The following SLC9A7 variants were observed in gnomAD, a reference collection of about 807,000 sequenced individuals.
SLC9A7 encodes the protein solute carrier family 9 member A7.
A neutral mutation model predicts 52.6 loss-of-function variants in SLC9A7; 19 were observed. That is an observed-to-expected ratio of 0.36 (90% CI 0.25 to 0.53). The LOEUF (loss-of-function observed/expected upper bound fraction) is 0.53. Ranked by LOEUF, SLC9A7 falls within the 20% of genes least tolerant of loss-of-function variation. The pLI is 0.91. For synonymous variants in SLC9A7, 226 were observed against 252.1 expected (o/e 0.90, Z 0.98); for missense variants, 455 against 597.9 (o/e 0.76, Z 2.49).
chrX:46,735,980 G>A (rs748808550), intron 1 of SLC9A7, among the ~76,000 whole-genome samples: 3 of 111,275 alleles, frequency 2.7e-5, no homozygotes, highest in Non-Finnish European at 5.7e-5. Flanking sequence ...TTATTGTTTT[G>A]GTATTTATCT....
chrX:46,645,322 G>A (rs1315671555), intron 11 of SLC9A7, among the ~76,000 whole-genome samples: 1 of 112,087 alleles, frequency 8.9e-6, no homozygotes, highest in Non-Finnish European at 1.9e-5. Context: ...ACCAAGCTCT[G>A]AATGTCTCCC....
chrX:46,741,291 T>C (rs1921334534), intron 1 of SLC9A7, among the ~76,000 whole-genome samples: 2 of 111,527 alleles, frequency 1.8e-5, no homozygotes, highest in South Asian at 7.5e-4. Flanking sequence ...GACTCTAAAA[T>C]GTATATGGAA....
chrX:46,730,710 A>ATATATATATAT (rs1569524468), intron 1 of SLC9A7, among the ~76,000 whole-genome samples: 182 of 76,222 alleles, frequency 2.4e-3, no homozygotes, highest in Non-Finnish European at 3.5e-3. Flanking sequence ...ATATATATAT[A>ATATATATATAT]AAATGGATGA....
chrX:46,632,683 A>T (rs1224569458), intron 13 of SLC9A7, among the ~76,000 whole-genome samples: 2 of 111,534 alleles, frequency 1.8e-5, no homozygotes, highest in African/African-American at 6.5e-5. Context: ...GCAAAACCCC[A>T]TCACAGTGGT....
chrX:46,613,443 C>T (rs1025971235), intron 15 of SLC9A7, 49 bp from the exon 16 acceptor site: 1 of 940,395 alleles, frequency 1.1e-6, no homozygotes, highest in Non-Finnish European at 1.5e-6. Context: ...AACATATACA[C>T]AACAAAATGT....
At chrX:46,680,958 G>A (rs1429084999) in intron 2 of SLC9A7, among the ~76,000 whole-genome samples, 1 of 112,029 alleles carries the variant, frequency 8.9e-6, no homozygotes, top group African/African-American at 3.2e-5. Context: ...CCCAATATGA[G>A]GACACTGGGC....
chrX:46,607,669 G>C, intron 16 of SLC9A7, among the ~76,000 whole-genome samples: 1 of 111,228 alleles, frequency 9.0e-6, no homozygotes, highest in Non-Finnish European at 1.9e-5. Context: ...ATTCAGGGAA[G>C]AGGACAAGCC....
In SLC9A7 at chrX:46,730,670, T is replaced by TAATATATATATATATA. The variant is rs1491295251; in HGVS notation, c.325+28034_325+28035insTATATATATATATATT. ...GCGAGACTGTCTCAAAAAAAAAAAA[T>TAATATATATATATATA]TATATATATATATATATATATATAT... is the stretch of plus-strand genomic sequence containing the variant. On this transcript the variant is annotated intron_variant, in intron 1 of 16. Coordinates refer to ENST00000616978, the MANE Select transcript of SLC9A7 (RefSeq NM_001257291.2). 9.8e-4 allele frequency among the ~76,000 whole-genome samples: 42 copies of TAATATATATATATATA among 42,911 alleles called. 1 individual carries two copies. The highest frequency in any genetic ancestry group is 2.6e-3 in the African/African-American group (41 of 15,507). The allele number at this position is 42,911 out of a possible 115,157, so 37.3% of individuals were successfully genotyped here. A position where few individuals can be genotyped will look rare whatever the true frequency, so the allele number is the denominator to read the frequency against.
At chrX:46,701,917 T>C (rs1602247621) in intron 1 of SLC9A7, among the ~76,000 whole-genome samples, 2 of 112,111 alleles carry the variant, frequency 1.8e-5, no homozygotes, top group East Asian at 5.6e-4. Context: ...CCAAGAGAGC[T>C]AAGCATCCTT....
At chrX:46,663,899 C>T (rs1252620532) in intron 5 of SLC9A7, among the ~76,000 whole-genome samples, 1 of 111,079 alleles carries the variant, frequency 9.0e-6, no homozygotes, top group Non-Finnish European at 1.9e-5. Flanking sequence ...GCAAAGGTTG[C>T]GGTGAGCCGA....
intron 1 of SLC9A7, among the ~76,000 whole-genome samples, chrX:46,750,911 A>T (rs1282539686): frequency 8.9e-6 from 1 of 112,366 alleles, no homozygotes; most frequent in African/African-American, 3.2e-5. Flanking sequence ...CACAAATCAC[A>T]TGCAAATCCT....
At position 46,732,802 on chromosome X, in the gene SLC9A7, G is replaced by A. The variant is rs193024029; in HGVS notation, c.325+25903C>T. On this transcript the variant is annotated intron_variant, in intron 1 of 16. Transcript: ENST00000616978. ...AAGGTTTCCTGCTACAGTATTGTTC[G>A]ATTACTATAAGAAACAACCCTAGGG... Among the ~76,000 whole-genome samples, 4 of 111,474 alleles carry A rather than the reference G, an allele frequency of 3.6e-5. No individual in the cohort carries two copies. In the East Asian group the frequency reaches 8.4e-4, roughly 23 times the overall value.
chrX:46,672,349 T>C (rs1366755566), intron 4 of SLC9A7, among the ~76,000 whole-genome samples: 1 of 111,933 alleles, frequency 8.9e-6, no homozygotes, highest in Non-Finnish European at 1.9e-5. Context: ...AAGATCTGGG[T>C]GCTGGGTATA....
At chrX:46,712,733 T>G (rs1276406996) in intron 1 of SLC9A7, among the ~76,000 whole-genome samples, 1 of 112,439 alleles carries the variant, frequency 8.9e-6, no homozygotes, top group African/African-American at 3.2e-5. Flanking sequence ...TGTATTAATA[T>G]GCCACAGTTT....
chrX:46,640,461 C>T (rs898389764), intron 12 of SLC9A7, among the ~76,000 whole-genome samples: 1 of 111,951 alleles, frequency 8.9e-6, no homozygotes, highest in Non-Finnish European at 1.9e-5. Flanking sequence ...TAGAAGATAA[C>T]GCAGAAGAAA....
intron 12 of SLC9A7, among the ~76,000 whole-genome samples, chrX:46,637,424 T>C (rs976302959): frequency 6.2e-5 from 7 of 112,886 alleles, no homozygotes; most frequent in Middle Eastern, 4.2e-3. Flanking sequence ...TTATTCCTTA[T>C]GTTATCTTGC....
At chrX:46,746,244 G>T (rs1445264123) in intron 1 of SLC9A7, among the ~76,000 whole-genome samples, 1 of 110,515 alleles carries the variant, frequency 9.0e-6, no homozygotes, top group African/African-American at 3.3e-5. Flanking sequence ...CAGGAGAATC[G>T]CTTGAACCCG....
chrX:46,629,244 TCAGCC>T (rs1263708550), intron 14 of SLC9A7, among the ~76,000 whole-genome samples: 1 of 111,735 alleles, frequency 8.9e-6, no homozygotes, highest in Non-Finnish European at 1.9e-5. Context: ...TGCGGTGCTC[TCAGCC>T]CAAGGGGCCC....
intron 1 of SLC9A7, among the ~76,000 whole-genome samples, chrX:46,726,194 C>T (rs968518758): frequency 9.0e-6 from 1 of 110,912 alleles, no homozygotes; most frequent in Non-Finnish European, 1.9e-5. Flanking sequence ...ATTGGGGCTG[C>T]TGTGAGCCAT....
Sources: allele counts gnomAD v4.1 joint callset (sites outside exome capture counted in the v4.1 genomes callset), GRCh38; gene constraint gnomAD v4.1.1; transcripts MANE v1.5; gene names NCBI Gene and HGNC (gene_info 2026-07-23, HGNC 2026-07-21).